The following PXDN variants were observed in gnomAD, a reference collection of about 807,000 sequenced individuals.
PXDN encodes peroxidasin.
PXDN carries 77 observed loss-of-function variants against 140.3 expected under a neutral mutation model. The ratio of observed to expected loss-of-function variants is 0.55; its 90% CI spans 0.46 to 0.66. The LOEUF is 0.66. Ranked by LOEUF, PXDN falls within the 30% of genes least tolerant of loss-of-function variation. The pLI, the probability that PXDN is intolerant of heterozygous loss-of-function variation, is 0.00. For synonymous variants in PXDN, 911 were observed against 857.4 expected (o/e 1.06, Z -1.09); for missense variants, 1,838 against 2,039.5 (o/e 0.90, Z 1.90).
chr2:1,694,926 G>A (rs1684266639), intron 1 of PXDN, among the ~76,000 whole-genome samples: 1 of 152,320 alleles, frequency 6.6e-6, no homozygotes, highest in South Asian at 2.1e-4. Flanking sequence ...GCAAGCTGAG[G>A]GGCTTCCCAG....
In PXDN at chr2:1,687,767, G is replaced by A. The variant is rs538972103; in HGVS notation, c.345-64C>T. On this transcript the variant is annotated intron_variant, in intron 3 of 22. Coordinates refer to ENST00000252804, the MANE Select transcript of PXDN (RefSeq NM_012293.3). This position sits in a 1 kb window ranked among gnomAD's most constrained non-coding sequence, Gnocchi z 4.0. Reference sequence around the variant, plus strand: ...AGGAGGTCAAACTTCAGACGGAAAAGAAGAATTAAATTGACACATGGAGAC... The same window carrying A: ...AGGAGGTCAAACTTCAGACGGAAAAAAAGAATTAAATTGACACATGGAGAC... 1.6e-6 allele frequency: 2 copies of A among 1,271,496 alleles called. No homozygotes were observed. The highest frequency in any genetic ancestry group is 2.2e-6 in the Non-Finnish European group (2 of 898,590). The allele number at this position is 1,271,496 out of a possible 1,614,324, so 78.8% of individuals were successfully genotyped here. A position where few individuals can be genotyped will look rare whatever the true frequency, so the allele number is the denominator to read the frequency against.
chr2:1,661,705 A>G (rs914850100), intron 13 of PXDN, among the ~76,000 whole-genome samples: 1 of 152,228 alleles, frequency 6.6e-6, no homozygotes, highest in African/African-American at 2.4e-5. Flanking sequence ...AAGAAATGAA[A>G]TAACGATGAA....
At chr2:1,680,929 G>A (rs1004379684) in intron 6 of PXDN, among the ~76,000 whole-genome samples, 3 of 152,200 alleles carry the variant, frequency 2.0e-5, no homozygotes, top group South Asian at 2.1e-4. Flanking sequence ...AAAGTTTCTA[G>A]TGAGTGGCAC....
chr2:1,719,386 C>T (rs571402718), intron 1 of PXDN, among the ~76,000 whole-genome samples: 3 of 152,324 alleles, frequency 2.0e-5, no homozygotes, highest in South Asian at 4.1e-4. Context: ...GTCCTCTCCC[C>T]AGCACGAATC....
chr2:1,713,062 T>G (rs545251462), intron 1 of PXDN, among the ~76,000 whole-genome samples: 1 of 152,278 alleles, frequency 6.6e-6, no homozygotes, highest in African/African-American at 2.4e-5. Context: ...TTAAAAAGAA[T>G]ACTCCTTTAA....
intron 3 of PXDN, among the ~76,000 whole-genome samples, chr2:1,690,820 G>A (rs368609930): frequency 9.8e-4 from 149 of 152,210 alleles, no homozygotes; most frequent in Middle Eastern, 6.8e-3. Flanking sequence ...GACAAATATC[G>A]CACAGAGGGA....
chr2:1,649,762 A>G lies in PXDN; in HGVS notation c.2105-87T>C. On this transcript the variant is annotated intron_variant, in intron 16 of 22. Coordinates refer to ENST00000252804, the MANE Select transcript of PXDN (RefSeq NM_012293.3). The surrounding 1 kb of genome is among the most constrained non-coding windows in gnomAD (Gnocchi z 7.1). The stretch of plus-strand genomic sequence containing the variant: ...ACCCCTTGGCACCTCTGCCGCTGAC[A>G]TGGGGCTATCTACCCCCAGCTCATG... 6.9e-7 allele frequency: 1 copy of G among 1,455,078 alleles called. No homozygotes were observed. Among genetic ancestry groups the G allele is most frequent in the South Asian group, 1.2e-5 (1 of 85,580 alleles). 90.1% of individuals were successfully genotyped at this position (1,455,078 alleles called of 1,614,324 possible). A position where few individuals can be genotyped will look rare whatever the true frequency, so the allele number is the denominator to read the frequency against.
Position 1,666,276 on chromosome 2 carries a change from T to C in PXDN, c.1229A>G (p.Tyr410Cys). The C allele has an allele frequency of 1.9e-6, 3 of 1,614,034 alleles. No homozygotes were observed. The highest frequency in any genetic ancestry group is 2.5e-6 in the Non-Finnish European group (3 of 1,179,894). Reference protein sequence around the residue: ...QNVVQGDSGEYACSATNNIDS... With the variant: ...QNVVQGDSGECACSATNNIDS... Reference sequence around the variant, plus strand: ...AATGTTGTTGGTCGCAGAGCACGCATACTCTCCGCTGTCCCCCTGTACGAC... The same window carrying C: ...AATGTTGTTGGTCGCAGAGCACGCACACTCTCCGCTGTCCCCCTGTACGAC... Residue 410 changes from tyrosine (Y) to cysteine (C), a missense_variant, in exon 10 of 23, where the codon TAT becomes TGT. By Grantham distance (194) the Tyr-to-Cys change is radical. Around this residue, in one of 5 missense-constraint regions of PXDN, gnomAD observed 537 missense variants for 583.9 expected, o/e 0.92. Transcript: ENST00000252804.
chr2:1,697,648 G>T (rs1684329027), intron 1 of PXDN, among the ~76,000 whole-genome samples: 2 of 152,170 alleles, frequency 1.3e-5, no homozygotes, highest in African/African-American at 4.8e-5. Flanking sequence ...TTTAAAGATT[G>T]AAAGAGCACT....
At chr2:1,663,503 G>T in intron 12 of PXDN, 102 bp downstream of exon 12, 1 of 1,479,726 alleles carries the variant, frequency 6.8e-7, no homozygotes. Context: ...AACAGCCAAC[G>T]CTTTATAACG....
At chr2:1,720,388 C>CAG (rs766170032) in intron 1 of PXDN, among the ~76,000 whole-genome samples, 4 of 78,662 alleles carry the variant, frequency 5.1e-5, no homozygotes, top group East Asian at 8.9e-4. Context: ...GGGAGGGATG[C>CAG]AGAGAGAGAG....
At chr2:1,637,843 T>C (rs62116575) in intron 21 of PXDN, among the ~76,000 whole-genome samples, 130,537 of 144,162 alleles carry the variant, frequency 0.91, 59,287 homozygotes, top group East Asian at 1. Context: ...ACCTGCGGCA[T>C]GCTGTCCACT....
At chr2:1,695,667 T>A in intron 1 of PXDN, among the ~76,000 whole-genome samples, 1 of 35,462 alleles carries the variant, frequency 2.8e-5, no homozygotes, top group Non-Finnish European at 5.6e-5. Flanking sequence ...TCTGAGCACC[T>A]GAGAGGTGGC....
chr2:1,644,509 C>T (rs567789105), intron 18 of PXDN, 109 bp downstream of exon 18: 3 of 1,266,334 alleles, frequency 2.4e-6, no homozygotes, highest in Non-Finnish European at 3.1e-6. Flanking sequence ...ACACAGAAGA[C>T]ACTAGGGCCT....
intron 1 of PXDN, among the ~76,000 whole-genome samples, chr2:1,742,957 C>CT (rs1558535960): frequency 6.6e-6 from 1 of 152,252 alleles, no homozygotes; most frequent in Non-Finnish European, 1.5e-5. Context: ...TTTTTTACAA[C>CT]TTTTGCAGAC....
At chr2:1,706,295 C>T (rs1684605649) in intron 1 of PXDN, among the ~76,000 whole-genome samples, 1 of 152,190 alleles carries the variant, frequency 6.6e-6, no homozygotes, top group South Asian at 2.1e-4. Flanking sequence ...CACAGTCCTG[C>T]CTCCATGTGA....
In PXDN at chr2:1,649,213, G is replaced by T. The variant is rs376527524; in HGVS notation, c.2567C>A (p.Pro856His). ...HCSNVCSNDP[P>H]CFSVMIPPND... ...GGGGGGGATCATGACAGAGAAGCAG[G>T]GGGGGTCGTTGCTGCACACGTTGCT... Residue 856 changes from proline (P) to histidine (H), a missense_variant, in exon 17 of 23, where the codon CCC (proline) becomes CAC (histidine). Pro to His is a moderately conservative substitution (Grantham distance 77). Coordinates refer to ENST00000252804, the MANE Select transcript of PXDN (RefSeq NM_012293.3). This position sits in a 1 kb window ranked among gnomAD's most constrained non-coding sequence, Gnocchi z 7.1. The T allele has an allele frequency of 3.7e-6, 6 of 1,606,812 alleles. No homozygotes were observed. The highest frequency in any genetic ancestry group is 1.7e-5 in the Admixed American group (1 of 59,742).
chr2:1,680,828 G>A (rs946421266), intron 6 of PXDN, among the ~76,000 whole-genome samples: 5 of 152,122 alleles, frequency 3.3e-5, no homozygotes, highest in South Asian at 2.1e-4. Context: ...ATCTCCCTCC[G>A]GCCTGAGGCT....
chr2:1,666,121 T>C, intron 10 of PXDN, 93 bp downstream of exon 10: 2 of 1,498,332 alleles, frequency 1.3e-6, no homozygotes, highest in South Asian at 1.3e-5. Context: ...GGCAGAAGAT[T>C]CTATGGAGCG....
Sources: gnomAD v4.1 joint callset for allele counts (sites outside exome capture counted in the v4.1 genomes callset) on GRCh38, gnomAD v4.1.1 for gene constraint, gnomAD v4.1.1 regional missense constraint, Gnocchi (gnomAD v3.1) non-coding constraint, MANE v1.5 for transcripts, NCBI Gene and HGNC (gene_info 2026-07-23, HGNC 2026-07-21) for gene names.